The following SNRPA variants were observed in gnomAD, a reference collection of about 807,000 sequenced individuals.
SNRPA encodes the protein U1 small nuclear ribonucleoprotein A.
SNRPA carries 10 observed loss-of-function variants against 24.5 expected under a neutral mutation model. The observed-to-expected ratio is 0.41, with a 90% confidence interval of 0.25 to 0.69. The LOEUF (loss-of-function observed/expected upper bound fraction) is 0.69, where lower values mean the gene tolerates loss of function less well. SNRPA is among the 30% of genes least tolerant of loss of function. SNRPA has a pLI of 0.33. For synonymous variants in SNRPA, 165 were observed against 148.4 expected, an observed-to-expected ratio of 1.11 and a Z score of -0.81; for missense variants, 283 against 394.7, an observed-to-expected ratio of 0.72 and a Z score of 2.40.
At chr19:40,756,891 G>T in intron 1 of SNRPA, 1 of 188,612 alleles carries the variant, frequency 5.3e-6, no homozygotes, top group Non-Finnish European at 1.1e-5. Context: ...CAGTTCAAAG[G>T]CCCTGGGGCA....
At chr19:40,755,753 A>G (rs2082906060) in intron 1 of SNRPA, among the ~76,000 whole-genome samples, 1 of 152,040 alleles carries the variant, frequency 6.6e-6, no homozygotes, top group Non-Finnish European at 1.5e-5. Flanking sequence ...ATCCTTGTTG[A>G]GCTTGAATCT....
At position 40,759,444 on chromosome 19, in the gene SNRPA, C is replaced by A; in HGVS notation, c.260C>A (p.Ala87Asp). 1 of 1,612,860 alleles carries A rather than the reference C, an allele frequency of 6.2e-7. No homozygotes were observed. Among genetic ancestry groups the A allele is most frequent in the South Asian group, 1.1e-5 (1 of 91,014 alleles). The change falls in exon 3 of 6, where the codon GCC (alanine) becomes GAC (aspartate). Residue 87 changes from alanine to aspartate, a missense_variant. This residue lies in a region of SNRPA where 167 missense variants were observed against 174.3 expected (regional missense o/e 0.96). Coordinates refer to ENST00000243563, the MANE Select transcript of SNRPA (RefSeq NM_004596.5). ...FYDKPMRIQY[A>D]KTDSDIIAKM... ...TCTGTTTGGTAGCGTATCCAGTATG[C>A]CAAGACCGACTCAGATATCATTGCC...
chr19:40,763,077 G>A lies in SNRPA; in HGVS notation c.600+3G>A. 6.4e-7 allele frequency: 1 copy of A among 1,557,578 alleles called. No homozygotes were observed. Among genetic ancestry groups the A allele is most frequent in the South Asian group, 1.2e-5 (1 of 82,510 alleles). On this transcript the variant is annotated splice_donor_region_variant and intron_variant, in intron 4 of 5. Coordinates refer to ENST00000243563, the MANE Select transcript of SNRPA (RefSeq NM_004596.5). ...GACAGATGCCCCCTGCCCAGCCTGTGAGTATCTAGTCCCACCCACCAGGTC... is the reference window on the plus strand; with the variant it reads ...GACAGATGCCCCCTGCCCAGCCTGTAAGTATCTAGTCCCACCCACCAGGTC...
At position 40,764,526 on chromosome 19, in the gene SNRPA, A is replaced by G. The variant is rs189383942; in HGVS notation, c.690-482A>G. ...AAGAGGGAAATTAGAGAAACAGCAT[A>G]TCAGAAAAGTGAGGGTAAGGCCGGG... On this transcript the variant is annotated intron_variant, in intron 5 of 5. Coordinates refer to ENST00000243563, the MANE Select transcript of SNRPA (RefSeq NM_004596.5). Among the ~76,000 whole-genome samples, 108 of 152,234 alleles carry G rather than the reference A, an allele frequency of 7.1e-4. 1 individual carries two copies. The highest frequency in any genetic ancestry group is 2.3e-3 in the African/African-American group (97 of 41,540).
rs760516324 is a variant in SNRPA at position 40,763,698 on chromosome 19, T to A, written c.689+23T>A. On this transcript the variant is annotated intron_variant, in intron 5 of 5. Coordinates refer to ENST00000243563, the MANE Select transcript of SNRPA (RefSeq NM_004596.5). ...TCAGTAAGTGGGGCCTGTGGCTGGG[T>A]GGTCCCTGGAGGGTGATGGCCAGGA... 7.5e-6 allele frequency: 12 copies of A among 1,599,442 alleles called. No homozygotes were observed. In the East Asian group the frequency reaches 2.5e-4, roughly 33 times the overall value.
chr19:40,752,555 C>G (rs895631647), intron 1 of SNRPA, among the ~76,000 whole-genome samples: 2 of 118,430 alleles, frequency 1.7e-5, no homozygotes, highest in Non-Finnish European at 3.2e-5. Flanking sequence ...TCAGCCTAGG[C>G]GACAAAGCCA....
At chr19:40,763,307 T>G (rs768114571) in intron 4 of SNRPA, 1 of 593,690 alleles carries the variant, frequency 1.7e-6, no homozygotes, top group Non-Finnish European at 3.0e-6. Context: ...CCTAGATTGA[T>G]TCCATGAGCT....
chr19:40,763,558 T>G (rs780501417), intron 4 of SNRPA, 29 bp from the exon 5 acceptor site: 1 of 1,589,738 alleles, frequency 6.3e-7, no homozygotes, highest in Non-Finnish European at 8.6e-7. Flanking sequence ...AGGGCTCTTG[T>G]GCTCACCGAC....
At chr19:40,760,230 C>A (rs545105888) in intron 3 of SNRPA, among the ~76,000 whole-genome samples, 3 of 152,216 alleles carry the variant, frequency 2.0e-5, no homozygotes, top group Non-Finnish European at 2.9e-5. Flanking sequence ...GCCATATCAC[C>A]CAGGCTAGTC....
chr19:40,757,719 G>A (rs1599727817), intron 2 of SNRPA, among the ~76,000 whole-genome samples: 1 of 151,858 alleles, frequency 6.6e-6, no homozygotes, highest in Non-Finnish European at 1.5e-5. Context: ...GAGGCAGGTG[G>A]ATTACCTGAG....
intron 3 of SNRPA, among the ~76,000 whole-genome samples, chr19:40,761,458 CTTTTTTTTTTTTTTTTT>C (rs200242370): frequency 1.5e-3 from 132 of 85,880 alleles, no homozygotes; most frequent in African/African-American, 5.3e-3. Context: ...TTTTCTTTTT[CTTTTTTTTTTTTTTTTT>C]TTTTTTTTTG....
chr19:40,761,911 C>T (rs143548672), intron 3 of SNRPA, among the ~76,000 whole-genome samples: 4 of 152,288 alleles, frequency 2.6e-5, no homozygotes, highest in Admixed American at 6.5e-5. Flanking sequence ...CAGGCCCACT[C>T]CTTAGGTCTC....
chr19:40,759,633 A>G (rs1599728580), intron 3 of SNRPA, 23 bp downstream of exon 3: 3 of 1,577,430 alleles, frequency 1.9e-6, no homozygotes, highest in East Asian at 4.5e-5. Context: ...CCGGAGACCA[A>G]CCCTCCCACT....
At chr19:40,763,720 AG>A (rs2082942965) in intron 5 of SNRPA, 45 bp downstream of exon 5, 8 of 1,472,660 alleles carry the variant, frequency 5.4e-6, no homozygotes, top group Non-Finnish European at 6.7e-6. Context: ...GGTGATGGCC[AG>A]GAGGCATCTC....
chr19:40,761,653 G>C (rs1042107060), intron 3 of SNRPA, among the ~76,000 whole-genome samples: 2 of 151,494 alleles, frequency 1.3e-5, no homozygotes, highest in Non-Finnish European at 2.9e-5. Context: ...TTTTAGTAGA[G>C]ATGGGGTTTC....
In SNRPA at chr19:40,751,369, C is replaced by A. The variant is rs140145098; in HGVS notation, c.-40C>A. Reference sequence around the variant, plus strand: ...TTGGAGAAACCCAGGGCTAAAGTCACGTTTTTCCTCCTTTAAGACTTACCT... The same window carrying A: ...TTGGAGAAACCCAGGGCTAAAGTCAAGTTTTTCCTCCTTTAAGACTTACCT... On this transcript the variant is annotated 5_prime_UTR_variant, in exon 1 of 6. Transcript: ENST00000243563. The A allele has an allele frequency of 6.0e-5, 90 of 1,501,744 alleles. No individual in the cohort carries two copies. Among genetic ancestry groups the A allele is most frequent in the South Asian group, 4.7e-4 (42 of 88,786 alleles). The allele number at this position is 1,501,744 out of a possible 1,614,324, so 93.0% of individuals were successfully genotyped here. A position where few individuals can be genotyped will look rare whatever the true frequency, so the allele number is the denominator to read the frequency against.
rs200242370 is a variant in SNRPA at position 40,761,458 on chromosome 19, C to CTTTTTTTTTTTT, written c.427-1428_427-1417dup. Among the ~76,000 whole-genome samples the CTTTTTTTTTTTT allele has an allele frequency of 5.3e-3, 453 of 85,898 alleles. 16 individuals are homozygous for CTTTTTTTTTTTT. The highest frequency in any genetic ancestry group is 7.1e-3 in the Non-Finnish European group (328 of 46,076). 56.4% of individuals were successfully genotyped at this position (85,898 alleles called of 152,430 possible). On this transcript the variant is annotated intron_variant, in intron 3 of 5. Coordinates refer to ENST00000243563, the MANE Select transcript of SNRPA (RefSeq NM_004596.5). Reference sequence around the variant, plus strand: ...TCTCTTTTCTTTTCTTTTTCTTTTTCTTTTTTTTTTTTTTTTTTTTTTTTT... The same window carrying CTTTTTTTTTTTT: ...TCTCTTTTCTTTTCTTTTTCTTTTTCTTTTTTTTTTTTTTTTTTTTTTTTTTTTTTTTTTTTT...
chr19:40,758,909 T>G (rs2082919411), intron 2 of SNRPA: 3 of 152,134 alleles, frequency 2.0e-5, no homozygotes, highest in South Asian at 2.1e-4. Flanking sequence ...GTATTTTTGG[T>G]AGAAATGGGG....
chr19:40,761,709 C>T (rs964199535), intron 3 of SNRPA, among the ~76,000 whole-genome samples: 1 of 151,888 alleles, frequency 6.6e-6, no homozygotes, highest in African/African-American at 2.4e-5. Context: ...TCAAGTGATC[C>T]GCCCTCCTCA....
Sources: gnomAD v4.1 joint callset for allele counts (sites outside exome capture counted in the v4.1 genomes callset) on GRCh38, gnomAD v4.1.1 for gene constraint, gnomAD v4.1.1 regional missense constraint, MANE v1.5 for transcripts, NCBI Gene and HGNC (gene_info 2026-07-23, HGNC 2026-07-21) for gene names.